The following TCF7L2 variants were observed in gnomAD, a reference collection of about 807,000 sequenced individuals.
TCF7L2 encodes transcription factor 7 like 2.
Under a neutral mutation model 77.9 loss-of-function variants are expected in TCF7L2, and 23 were observed. That is an observed-to-expected ratio of 0.30 (90% CI 0.21 to 0.42). The LOEUF (loss-of-function observed/expected upper bound fraction) is 0.42. Among genes scored for constraint, TCF7L2 ranks in the 10% least tolerant of loss-of-function variants. The pLI is 1.00. For missense variants in TCF7L2, 654 were observed against 793.1 expected (o/e 0.82, Z 2.11); for synonymous variants, 413 against 340.2 (o/e 1.21, Z -2.36).
Position 113,165,862 on chromosome 10 carries a change from G to A in TCF7L2, c.1699G>A (p.Ala567Thr), listed in dbSNP as rs763934346. Reference sequence around the variant, plus strand: ...GCCCCCAGCCGCTTTGCAGCCTGCCGCCCCCTCCTCATCAATTGCACAGCC... The same window carrying A: ...GCCCCCAGCCGCTTTGCAGCCTGCCACCCCCTCCTCATCAATTGCACAGCC... The change falls in exon 14 of 14, where the codon GCC (alanine) becomes ACC (threonine). Residue 567 changes from alanine to threonine, a missense_variant. This residue lies in a region of TCF7L2 where 272 missense variants were observed against 215.4 expected (regional missense o/e 1.26). Transcript: ENST00000627217. The A allele has an allele frequency of 8.1e-6, 13 of 1,605,986 alleles. No homozygotes were observed. The highest frequency in any genetic ancestry group is 4.4e-5 in the South Asian group (4 of 90,430).
chr10:113,090,604 T>G (rs1171073882), intron 5 of TCF7L2, among the ~76,000 whole-genome samples: 2 of 152,210 alleles, frequency 1.3e-5, no homozygotes, highest in Non-Finnish European at 2.9e-5. Flanking sequence ...TCTTATTACC[T>G]ATTGATAATC....
chr10:112,980,192 G>A (rs1172298979), intron 4 of TCF7L2, among the ~76,000 whole-genome samples: 2 of 152,186 alleles, frequency 1.3e-5, no homozygotes, highest in East Asian at 3.9e-4. Context: ...AATTTCTGGA[G>A]AACAGACCCT....
At position 112,969,365 on chromosome 10, in the gene TCF7L2, C is replaced by T. The variant is rs1032351800; in HGVS notation, c.450+4741C>T. Among the ~76,000 whole-genome samples, 4 of 152,200 alleles carry T rather than the reference C, an allele frequency of 2.6e-5. No homozygotes were observed. The South Asian group carries it at 8.3e-4, about 32-fold the overall frequency. On this transcript the variant is annotated intron_variant, in intron 4 of 13. Coordinates refer to ENST00000627217, the MANE Select transcript of TCF7L2 (RefSeq NM_001146274.2). The stretch of plus-strand genomic sequence containing the variant: ...TAGTATTCCACTGATGAATATGCTT[C>T]AGTGCATGCATCCTTCCTACGTTGT...
intron 4 of TCF7L2, among the ~76,000 whole-genome samples, chr10:112,973,491 C>A (rs184171519): frequency 6.6e-6 from 1 of 152,172 alleles, no homozygotes; most frequent in African/African-American, 2.4e-5. Flanking sequence ...TCTAGGGGAT[C>A]CTGGAATCTG....
chr10:113,000,229 T>A (rs2044232388), intron 4 of TCF7L2, among the ~76,000 whole-genome samples: 1 of 152,162 alleles, frequency 6.6e-6, no homozygotes, highest in South Asian at 2.1e-4. Context: ...GTTTACTCCA[T>A]CTGTGATGGG....
intron 5 of TCF7L2, among the ~76,000 whole-genome samples, chr10:113,073,693 G>GAA (rs766310303): frequency 1.2e-4 from 16 of 134,110 alleles, no homozygotes; most frequent in African/African-American, 3.3e-4. Flanking sequence ...CCGTCTTTAA[G>GAA]AAAAAAAAAA....
Position 113,143,984 on chromosome 10 carries a change from C to T in TCF7L2, c.747C>T (p.Thr249=), listed in dbSNP as rs200396486. 18 of 1,614,126 alleles carry T rather than the reference C, an allele frequency of 1.1e-5. No homozygotes were observed. The highest frequency in any genetic ancestry group is 4.5e-5 in the East Asian group (2 of 44,876). Reference sequence around the variant, plus strand: ...CGTATTACCCACTATCGCCTGGCACCGTAGGACAAATCCCCCATCCGCTAG... The same window carrying T: ...CGTATTACCCACTATCGCCTGGCACTGTAGGACAAATCCCCCATCCGCTAG... Residue 249 remains threonine, a synonymous_variant, in exon 7 of 14, where the codon ACC becomes ACT. Transcript: ENST00000627217.
intron 4 of TCF7L2, among the ~76,000 whole-genome samples, chr10:113,008,301 G>C (rs2045916000): frequency 6.6e-6 from 1 of 152,158 alleles, no homozygotes; most frequent in Non-Finnish European, 1.5e-5. Flanking sequence ...TGTATGCTCA[G>C]AGCATCCTTG....
intron 5 of TCF7L2, among the ~76,000 whole-genome samples, chr10:113,048,333 G>A (rs184396218): frequency 1.3e-5 from 2 of 152,276 alleles, no homozygotes; most frequent in East Asian, 3.9e-4. Context: ...CTCTATGGAT[G>A]GGGCATGTTT....
intron 4 of TCF7L2, among the ~76,000 whole-genome samples, chr10:113,012,031 G>C (rs2046554691): frequency 6.6e-6 from 1 of 152,178 alleles, no homozygotes; most frequent in South Asian, 2.1e-4. Flanking sequence ...TTGCCGTTGA[G>C]TATTACTCCC....
intron 5 of TCF7L2, among the ~76,000 whole-genome samples, chr10:113,101,739 A>T (rs892681794): frequency 1.3e-5 from 2 of 149,276 alleles, no homozygotes; most frequent in African/African-American, 4.9e-5. Context: ...GCTACTTGGG[A>T]GGCTGAGGCA....
chr10:113,045,394 G>A lies in TCF7L2; in HGVS notation c.552+5268G>A, dbSNP rs975015535. ...AGGCACCCTGGCTCCAGAGCACACC[G>A]TCCTCTCAACCACTGCAGAGAAGCT... On this transcript the variant is annotated intron_variant, in intron 5 of 13. Transcript: ENST00000627217. Among the ~76,000 whole-genome samples the A allele has an allele frequency of 8.5e-5, 13 of 152,170 alleles. No homozygotes were observed. The East Asian group carries it at 1.5e-3, about 18-fold the overall frequency.
At position 113,165,767 on chromosome 10, in the gene TCF7L2, C is replaced by T. The variant is rs371338610; in HGVS notation, c.1604C>T (p.Pro535Leu). The T allele has an allele frequency of 6.8e-5, 109 of 1,608,940 alleles. No individual in the cohort carries two copies. Among genetic ancestry groups the T allele is most frequent in the Non-Finnish European group, 9.0e-5 (106 of 1,177,364 alleles). ...GCCCACCTGTCCATGATGCCTCCGC[C>T]ACCCGCCCTCCTGCTCGCTGAGGCC... The change falls in exon 14 of 14, where the codon CCA (proline) becomes CTA (leucine). Residue 535 changes from proline (P) to leucine (L), a missense_variant. Pro to Leu is a moderately conservative substitution (Grantham distance 98, BLOSUM62 -3). This residue lies in a region of TCF7L2 where 272 missense variants were observed against 215.4 expected (regional missense o/e 1.26). Coordinates refer to ENST00000627217, the MANE Select transcript of TCF7L2 (RefSeq NM_001146274.2).
intron 3 of TCF7L2, among the ~76,000 whole-genome samples, chr10:112,963,515 G>A (rs1354874040): frequency 6.6e-6 from 1 of 152,228 alleles, no homozygotes; most frequent in East Asian, 1.9e-4. Flanking sequence ...GCAAGGAGGG[G>A]AAATGGACAT....
At chr10:113,150,920 CTTTTT>C in intron 8 of TCF7L2, 73 bp from the exon 9 acceptor site, 1 of 1,321,118 alleles carries the variant, frequency 7.6e-7, no homozygotes, top group Non-Finnish European at 1.0e-6. Flanking sequence ...TTTTTTTTTT[CTTTTT>C]AATTGTGTGT....
intron 5 of TCF7L2, among the ~76,000 whole-genome samples, chr10:113,078,017 T>C (rs1427219876): frequency 1.3e-5 from 2 of 151,984 alleles, no homozygotes; most frequent in Non-Finnish European, 2.9e-5. Flanking sequence ...ATTACAGGCA[T>C]GAGCCACTGT....
chr10:113,061,576 C>G (rs923411565), intron 5 of TCF7L2, among the ~76,000 whole-genome samples: 2 of 152,126 alleles, frequency 1.3e-5, no homozygotes, highest in Non-Finnish European at 2.9e-5. Context: ...GCAGATCACA[C>G]AAATATTTCA....
In TCF7L2 at chr10:113,165,886, C is replaced by T. The variant is rs2137656156; in HGVS notation, c.1723C>T (p.Pro575Ser). The change falls in exon 14 of 14, where the codon CCG becomes TCG. Residue 575 changes from proline (P) to serine (S), a missense_variant. By Grantham distance (74) the Pro-to-Ser change is moderately conservative. Transcript: ENST00000627217. ...CGCCCCCTCCTCATCAATTGCACAG[C>T]CGTCGACTTCTTCCTTACATTCCCA... 1 of 1,603,280 alleles carries T rather than the reference C, an allele frequency of 6.2e-7. No individual in the cohort carries two copies. Among genetic ancestry groups the T allele is most frequent in the Non-Finnish European group, 8.5e-7 (1 of 1,173,988 alleles).
chr10:113,159,431 T>C (rs1188181359), intron 12 of TCF7L2, among the ~76,000 whole-genome samples: 1 of 152,176 alleles, frequency 6.6e-6, no homozygotes, highest in East Asian at 1.9e-4. Flanking sequence ...CTGTTTTTAT[T>C]TGTAATTTTT....
Sources: gnomAD v4.1 joint callset for allele counts (sites outside exome capture counted in the v4.1 genomes callset) on GRCh38, gnomAD v4.1.1 for gene constraint, gnomAD v4.1.1 regional missense constraint, MANE v1.5 for transcripts, NCBI Gene and HGNC (gene_info 2026-07-23, HGNC 2026-07-21) for gene names.